Variants in CWF19L2 observed in about 807,000 individuals in gnomAD.
CWF19L2 encodes the protein CWF19-like protein 2.
In CWF19L2, 98 loss-of-function variants were observed where a neutral mutation model predicts 111.7. The ratio of observed to expected loss-of-function variants is 0.88; its 90% CI spans 0.75 to 1.04. The LOEUF is 1.04. Among genes scored for constraint, CWF19L2 ranks in the 50% least tolerant of loss-of-function variants. CWF19L2 has a pLI of 0.00. For missense variants in CWF19L2, 1,101 were observed against 1,051.4 expected (o/e 1.05, Z -0.65); for synonymous variants, 351 against 342.9 (o/e 1.02, Z -0.26).
At position 107,436,174 on chromosome 11, in the gene CWF19L2, A is replaced by C. The variant is rs924508837; in HGVS notation, c.665-2425T>G. Among the ~76,000 whole-genome samples, 6 of 152,020 alleles carry C rather than the reference A, an allele frequency of 3.9e-5. No individual in the cohort carries two copies. In the East Asian group the frequency reaches 7.8e-4, roughly 20 times the overall value. On this transcript the variant is annotated intron_variant, in intron 6 of 17. Coordinates refer to ENST00000282251, the MANE Select transcript of CWF19L2 (RefSeq NM_152434.3). The stretch of plus-strand genomic sequence containing the variant: ...CACGCCCCCCGACCCAAAAAAAAAA[A>C]AAACAAACCCATGAATGTACAATAG...
rs193289258 is a variant in CWF19L2 at position 107,359,754 on chromosome 11, C to T, written c.1873-6018G>A. Among the ~76,000 whole-genome samples, 250 of 151,566 alleles carry T rather than the reference C, an allele frequency of 1.6e-3. 1 individual carries two copies. The highest frequency in any genetic ancestry group is 5.7e-3 in the African/African-American group (236 of 41,334). ...GGGCAACATGGCAGAACCCCATCTA[C>T]ATTTTACAAAGGAAAAAAAAAAAGA... On this transcript the variant is annotated intron_variant, in intron 12 of 17. Coordinates refer to ENST00000282251, the MANE Select transcript of CWF19L2 (RefSeq NM_152434.3).
intron 12 of CWF19L2, among the ~76,000 whole-genome samples, chr11:107,382,768 G>A (rs931136694): frequency 1.3e-5 from 2 of 152,198 alleles, no homozygotes; most frequent in African/African-American, 4.8e-5. Flanking sequence ...AAGCCTCAGA[G>A]GCAGGCCTCA....
chr11:107,388,851 A>C (rs984010232), intron 12 of CWF19L2, among the ~76,000 whole-genome samples: 3 of 152,204 alleles, frequency 2.0e-5, no homozygotes, highest in Admixed American at 6.5e-5. Context: ...CTGCATTAAA[A>C]TTCCAGACCC....
chr11:107,363,318 G>C (rs1443415261), intron 12 of CWF19L2, among the ~76,000 whole-genome samples: 1 of 152,092 alleles, frequency 6.6e-6, no homozygotes, highest in Admixed American at 6.6e-5. Context: ...AGGAAGTACA[G>C]AGAATGCCAC....
At chr11:107,330,361 T>C (rs946055203) in intron 16 of CWF19L2, among the ~76,000 whole-genome samples, 1 of 152,134 alleles carries the variant, frequency 6.6e-6, no homozygotes, top group Non-Finnish European at 1.5e-5. Context: ...AGAGAATAAG[T>C]ATATGCCTTC....
Position 107,441,613 on chromosome 11 carries a change from A to C in CWF19L2, c.460T>G (p.Trp154Gly), listed in dbSNP as rs1210297882. 4 of 1,529,052 alleles carry C rather than the reference A, an allele frequency of 2.6e-6. No individual in the cohort carries two copies. The highest frequency in any genetic ancestry group is 2.2e-5 in the Admixed American group (1 of 45,402). The allele number at this position is 1,529,052 out of a possible 1,614,324, so 94.7% of individuals were successfully genotyped here. ...DDTQIIKRDE[W>G]MTVDFMSVKT... ...ACAGACATAAAATCAACAGTCATCC[A>C]CTCATCCCTCTGTTAAAAAAAAAGA... is the stretch of plus-strand genomic sequence containing the variant. Residue 154 changes from tryptophan to glycine, a missense_variant, in exon 5 of 18, where the codon TGG becomes GGG. By Grantham distance (184) the Trp-to-Gly change is radical (BLOSUM62 -2). Transcript: ENST00000282251.
chr11:107,390,186 C>G lies in CWF19L2; in HGVS notation c.1760G>C (p.Arg587Thr). The part of the protein sequence containing the change: ...QMVSTHEERE[R>T]VRYFHDDDNL... ...ATCATCATCATGAAAGTATCTGACC[C>G]TTTCTCTTTCCTCATGGGTTGAAAC... The change falls in exon 12 of 18, where the codon AGG (arginine) becomes ACG (threonine). Residue 587 changes from arginine to threonine, a missense_variant. Physicochemically the swap from Arg to Thr is moderately conservative, Grantham distance 71. Transcript: ENST00000282251. 2 of 1,609,588 alleles carry G rather than the reference C, an allele frequency of 1.2e-6. No homozygotes were observed. The highest frequency in any genetic ancestry group is 8.5e-7 in the Non-Finnish European group (1 of 1,177,764).
chr11:107,442,444 G>A (rs899587489), intron 4 of CWF19L2, among the ~76,000 whole-genome samples: 3 of 151,904 alleles, frequency 2.0e-5, no homozygotes, highest in Non-Finnish European at 4.4e-5. Flanking sequence ...CACTTTGGGA[G>A]GCTGAGGTGG....
chr11:107,415,238 G>A (rs1417924681), intron 10 of CWF19L2, among the ~76,000 whole-genome samples: 5 of 151,870 alleles, frequency 3.3e-5, no homozygotes, highest in South Asian at 4.2e-4. Flanking sequence ...TGACTACTGC[G>A]CTCTTCACTC....
At chr11:107,349,490 G>C (rs1860127896) in intron 13 of CWF19L2, among the ~76,000 whole-genome samples, 1 of 152,100 alleles carries the variant, frequency 6.6e-6, no homozygotes, top group Non-Finnish European at 1.5e-5. Flanking sequence ...TTCCTTCTCT[G>C]ATTAGCTGAG....
intron 3 of CWF19L2, among the ~76,000 whole-genome samples, chr11:107,453,043 G>A (rs1861800453): frequency 6.6e-6 from 1 of 151,858 alleles, no homozygotes; most frequent in African/African-American, 2.4e-5. Flanking sequence ...CAATCTTGAG[G>A]TGCGCAAAAA....
In CWF19L2 at chr11:107,392,831, T is replaced by C; in HGVS notation, c.1682A>G (p.Asn561Ser). 1.3e-6 allele frequency: 2 copies of C among 1,597,472 alleles called. No homozygotes were observed. Among genetic ancestry groups the C allele is most frequent in the Non-Finnish European group, 1.7e-6 (2 of 1,174,448 alleles). ...TDQSGRVWPVNTPGKSLESQG... is the reference protein window; with the variant it reads ...TDQSGRVWPVSTPGKSLESQG... ...TGATTCCAGAGATTTTCCGGGTGTG[T>C]TCACAGGCCATACTCTTCCAGACTG... The change falls in exon 11 of 18, where the codon AAC becomes AGC. Residue 561 changes from asparagine to serine, a missense_variant. Transcript: ENST00000282251.
chr11:107,374,476 A>G (rs1373480128), intron 12 of CWF19L2, among the ~76,000 whole-genome samples: 2 of 133,196 alleles, frequency 1.5e-5, no homozygotes, highest in Non-Finnish European at 3.2e-5. Flanking sequence ...CAACATTCTT[A>G]AAGAAAAGAA....
At chr11:107,334,826 A>C (rs1288512805) in intron 16 of CWF19L2, 55 bp downstream of exon 16, 1 of 1,098,072 alleles carries the variant, frequency 9.1e-7, no homozygotes, top group Non-Finnish European at 1.4e-6. Flanking sequence ...CATGGAAATT[A>C]ATAAAGATCC....
In CWF19L2 at chr11:107,418,078, A is replaced by G. The variant is rs1861253178; in HGVS notation, c.1527+116T>C. The G allele has an allele frequency of 8.9e-5, 64 of 715,424 alleles. No individual in the cohort carries two copies. In the South Asian group the frequency reaches 9.6e-4, roughly 11 times the overall value. 44.3% of individuals were successfully genotyped at this position (715,424 alleles called of 1,614,324 possible). A position where few individuals can be genotyped will look rare whatever the true frequency, so the allele number is the denominator to read the frequency against. Reference sequence around the variant, plus strand: ...TGAGAATTTCTTTAAGGAATCAATAACCAACAGTTATTTTCACAGTGTGCT... The same window carrying G: ...TGAGAATTTCTTTAAGGAATCAATAGCCAACAGTTATTTTCACAGTGTGCT... On this transcript the variant is annotated intron_variant, in intron 9 of 17. Transcript: ENST00000282251.
intron 12 of CWF19L2, among the ~76,000 whole-genome samples, chr11:107,362,547 C>T (rs1169614748): frequency 6.8e-6 from 1 of 146,418 alleles, no homozygotes; most frequent in Non-Finnish European, 1.5e-5. Context: ...CTGGGAGGCA[C>T]CCCCAGGAGG....
intron 12 of CWF19L2, among the ~76,000 whole-genome samples, chr11:107,368,815 C>A (rs907520418): frequency 7.3e-6 from 1 of 137,898 alleles, no homozygotes; most frequent in Non-Finnish European, 1.6e-5. Flanking sequence ...AAACTTTATT[C>A]TTTTCCTGAT....
In CWF19L2 at chr11:107,433,399, T is replaced by A. The variant is rs566260937; in HGVS notation, c.780+235A>T. Among the ~76,000 whole-genome samples the A allele has an allele frequency of 5.1e-3, 774 of 151,718 alleles. 9 individuals are homozygous for A. Among genetic ancestry groups the A allele is most frequent in the Non-Finnish European group, 9.0e-3 (608 of 67,932 alleles). On this transcript the variant is annotated intron_variant, in intron 7 of 17. Transcript: ENST00000282251. ...TTTAAATTTTCTCACAATAAGAAAA[T>A]TTTTTTTACATTAAACACACCCACA...
At chr11:107,358,945 G>A (rs966821104) in intron 12 of CWF19L2, among the ~76,000 whole-genome samples, 18 of 152,170 alleles carry the variant, frequency 1.2e-4, no homozygotes, top group African/African-American at 3.9e-4. Flanking sequence ...TGACAAGGAG[G>A]TCTGGGAAAG....
Sources: allele counts gnomAD v4.1 joint callset (sites outside exome capture counted in the v4.1 genomes callset), GRCh38; gene constraint gnomAD v4.1.1; transcripts MANE v1.5; gene names NCBI Gene and HGNC (gene_info 2026-07-23, HGNC 2026-07-21).